PARD3B: variants seen among roughly 807,000 people sequenced by gnomAD.
The protein encoded by PARD3B is par-3 family cell polarity regulator beta, also known as partitioning defective 3 homolog B.
PARD3B carries 103 observed loss-of-function variants against 130.2 expected under a neutral mutation model. That is an observed-to-expected ratio of 0.79 (90% CI 0.67 to 0.93). The LOEUF (loss-of-function observed/expected upper bound fraction) is 0.93. Ranked by LOEUF, PARD3B falls within the 40% of genes least tolerant of loss-of-function variation. The pLI is 0.00. For synonymous variants in PARD3B, 583 were observed against 553.2 expected (o/e 1.05, Z -0.76); for missense variants, 1,609 against 1,499.2 (o/e 1.07, Z -1.21).
intron 2 of PARD3B, among the ~76,000 whole-genome samples, chr2:204,853,103 C>T (rs770515868): frequency 4.6e-4 from 69 of 151,584 alleles, no homozygotes; most frequent in Non-Finnish European, 8.8e-4. Flanking sequence ...ATTCTATTTT[C>T]CTTATAACTA....
intron 2 of PARD3B, among the ~76,000 whole-genome samples, chr2:204,831,496 C>T (rs2043818593): frequency 6.6e-6 from 1 of 152,146 alleles, no homozygotes; most frequent in South Asian, 2.1e-4. Context: ...TTAAGCACTG[C>T]TTAGCAGAAA....
chr2:205,428,592 T>C (rs960313381), intron 19 of PARD3B, among the ~76,000 whole-genome samples: 2 of 152,164 alleles, frequency 1.3e-5, no homozygotes, highest in Non-Finnish European at 2.9e-5. Flanking sequence ...TCTATTTTAT[T>C]ATAGCAGCTT....
intron 2 of PARD3B, among the ~76,000 whole-genome samples, chr2:204,777,825 C>T (rs923977263): frequency 6.6e-6 from 1 of 152,012 alleles, no homozygotes; most frequent in East Asian, 1.9e-4. Flanking sequence ...CCTCATATGT[C>T]GAGGGAGGGA....
chr2:205,167,573 G>A (rs1161458575), intron 11 of PARD3B, among the ~76,000 whole-genome samples: 1 of 152,102 alleles, frequency 6.6e-6, no homozygotes, highest in Admixed American at 6.5e-5. Flanking sequence ...TTTATAAAAT[G>A]GGGGCAGCAA....
At chr2:205,231,524 A>G (rs538334478) in intron 15 of PARD3B, among the ~76,000 whole-genome samples, 3 of 143,266 alleles carry the variant, frequency 2.1e-5, no homozygotes, top group East Asian at 4.1e-4. Flanking sequence ...TTTTGTAGAG[A>G]TGGGGTTTTG....
intron 15 of PARD3B, among the ~76,000 whole-genome samples, chr2:205,195,781 A>G (rs924022376): frequency 6.6e-6 from 1 of 151,908 alleles, no homozygotes; most frequent in Non-Finnish European, 1.5e-5. Context: ...ACAATTCATG[A>G]TGTCTATTTT....
chr2:204,870,406 G>C (rs1417612671), intron 2 of PARD3B, among the ~76,000 whole-genome samples: 1 of 152,156 alleles, frequency 6.6e-6, no homozygotes, highest in Non-Finnish European at 1.5e-5. Flanking sequence ...TTGCATGCTA[G>C]GTTTTGGCAT....
At chr2:204,592,967 T>C (rs530116363) in intron 1 of PARD3B, among the ~76,000 whole-genome samples, 11 of 152,356 alleles carry the variant, frequency 7.2e-5, no homozygotes, top group African/African-American at 2.6e-4. Context: ...ATTTATTCCC[T>C]TTTATGGCTG....
rs1054640250 is a variant in PARD3B, at chr2:205,345,822, A to G, written c.2630+44121A>G. Among the ~76,000 whole-genome samples the G allele has an allele frequency of 2.4e-4, 8 of 33,016 alleles. 3 individuals are homozygous for G. The highest frequency in any genetic ancestry group is 8.2e-4 in the Non-Finnish European group (5 of 6,122). 21.7% of individuals were successfully genotyped at this position (33,016 alleles called of 152,430 possible). ...GTGGCAATTATGATGCTTTACAAAA[A>G]TACCATATATGTTTTGTACTTTTAG... On this transcript the variant is annotated intron_variant, in intron 18 of 22. Transcript: ENST00000406610.
chr2:204,624,456 T>C (rs1445448347), intron 1 of PARD3B, among the ~76,000 whole-genome samples: 1 of 152,184 alleles, frequency 6.6e-6, no homozygotes, highest in Admixed American at 6.5e-5. Context: ...CAGCAAATCA[T>C]ACTTCTGGGT....
chr2:205,035,828 T>TATATATATAGTGGG lies in PARD3B; in HGVS notation c.395-11753_395-11752insATATATATAGTGGG, dbSNP rs1559374303. Reference sequence around the variant, plus strand: ...ATATATATATATATATATCTATATATCTATATATATATATATAGTGGGCTA... The same window carrying TATATATATAGTGGG: ...ATATATATATATATATATCTATATATATATATATAGTGGGCTATATATATATATATAGTGGGCTA... On this transcript the variant is annotated intron_variant, in intron 3 of 22. Coordinates refer to ENST00000406610, the MANE Select transcript of PARD3B (RefSeq NM_001302769.2). Among the ~76,000 whole-genome samples, 66 of 7,954 alleles carry TATATATATAGTGGG rather than the reference T, an allele frequency of 8.3e-3. 2 individuals are homozygous for TATATATATAGTGGG. Among genetic ancestry groups the TATATATATAGTGGG allele is most frequent in the African/African-American group, 0.025 (61 of 2,476 alleles). The allele number at this position is 7,954 out of a possible 152,430, so 5.2% of individuals were successfully genotyped here. A position where few individuals can be genotyped will look rare whatever the true frequency, so the allele number is the denominator to read the frequency against.
At chr2:204,622,843 T>G (rs1161922952) in intron 1 of PARD3B, among the ~76,000 whole-genome samples, 1 of 152,192 alleles carries the variant, frequency 6.6e-6, no homozygotes, top group African/African-American at 2.4e-5. Flanking sequence ...AGTAAACATT[T>G]GAGCTAGTGC....
In PARD3B at chr2:205,440,062, G is replaced by A. The variant is rs537980375; in HGVS notation, c.2742-308G>A. Among the ~76,000 whole-genome samples, 4 of 152,268 alleles carry A rather than the reference G, an allele frequency of 2.6e-5. No individual in the cohort carries two copies. The East Asian group carries it at 7.7e-4, about 29-fold the overall frequency. On this transcript the variant is annotated intron_variant, in intron 19 of 22. Transcript: ENST00000406610. This position sits in a 1 kb window ranked among gnomAD's most constrained non-coding sequence, Gnocchi z 4.2. The stretch of plus-strand genomic sequence containing the variant: ...AGATGCACTGTTCCCACAAGCACAT[G>A]CCATCTGTGGGGAGGGAATGTGAAT...
chr2:205,153,559 T>G (rs1327900262), intron 10 of PARD3B, among the ~76,000 whole-genome samples: 1 of 152,134 alleles, frequency 6.6e-6, no homozygotes, highest in Non-Finnish European at 1.5e-5. Flanking sequence ...AAAGTTCATA[T>G]GGAACCAAAA....
intron 18 of PARD3B, among the ~76,000 whole-genome samples, chr2:205,356,078 T>C (rs1292792470): frequency 1.3e-5 from 2 of 152,150 alleles, no homozygotes; most frequent in East Asian, 1.9e-4. Flanking sequence ...TTCAGAGTCA[T>C]TGTGAGGTTG....
At chr2:204,680,866 T>C (rs190985390) in intron 1 of PARD3B, among the ~76,000 whole-genome samples, 2 of 152,290 alleles carry the variant, frequency 1.3e-5, no homozygotes, top group Admixed American at 1.3e-4. Context: ...ACCTTTGAAA[T>C]TTGGTACACG....
intron 2 of PARD3B, among the ~76,000 whole-genome samples, chr2:204,859,735 G>A (rs559994083): frequency 7.9e-5 from 12 of 152,216 alleles, no homozygotes; most frequent in South Asian, 4.1e-4. Context: ...TGATGGAGAC[G>A]TAAGATAAAT....
At chr2:204,557,876 G>A (rs2031032156) in intron 1 of PARD3B, 1 of 152,166 alleles carries the variant, frequency 6.6e-6, no homozygotes, top group Non-Finnish European at 1.5e-5. Flanking sequence ...TTTCCATGAA[G>A]CAACATAATG....
At chr2:204,722,778 G>C (rs1484196033) in intron 2 of PARD3B, among the ~76,000 whole-genome samples, 1 of 152,094 alleles carries the variant, frequency 6.6e-6, no homozygotes, top group Non-Finnish European at 1.5e-5. Context: ...GAGCTCTGGT[G>C]GGGGCATCTT....
Sources: gnomAD v4.1 joint callset for allele counts (sites outside exome capture counted in the v4.1 genomes callset) on GRCh38, gnomAD v4.1.1 for gene constraint, Gnocchi (gnomAD v3.1) non-coding constraint, MANE v1.5 for transcripts, NCBI Gene and HGNC (gene_info 2026-07-23, HGNC 2026-07-21) for gene names.